SLC12A9: variants seen among roughly 807,000 people sequenced by gnomAD.
SLC12A9 encodes the protein CCC-interacting protein 1.
A neutral mutation model predicts 66.0 loss-of-function variants in SLC12A9; 55 were observed. That is an observed-to-expected ratio of 0.83 (90% CI 0.67 to 1.04). The LOEUF (loss-of-function observed/expected upper bound fraction) is 1.04, where lower values mean the gene tolerates loss of function less well. Ranked by LOEUF, SLC12A9 falls within the 50% of genes least tolerant of loss-of-function variation. The pLI is 0.00. For missense variants in SLC12A9, 1,061 were observed against 1,241.9 expected (o/e 0.85, Z 2.19); for synonymous variants, 577 against 569.0 (o/e 1.01, Z -0.20).
chr7:100,844,249 T>A (rs1813854988), intron 1 of SLC12A9, among the ~76,000 whole-genome samples: 1 of 152,214 alleles, frequency 6.6e-6, no homozygotes, highest in Non-Finnish European at 1.5e-5. Context: ...AAAAGCCTTG[T>A]TTGTATAATG....
intron 9 of SLC12A9, 29 bp downstream of exon 9, chr7:100,860,261 C>A (rs1376847281): frequency 1.2e-6 from 2 of 1,605,498 alleles, no homozygotes; most frequent in African/African-American, 2.7e-5. Flanking sequence ...GGGGCCCTTT[C>A]CCTCACCCCA....
rs774249477 is a variant in SLC12A9, at chr7:100,855,939, C to A, written c.448+102C>A. On this transcript the variant is annotated intron_variant, in intron 4 of 13. Coordinates refer to ENST00000354161, the MANE Select transcript of SLC12A9 (RefSeq NM_020246.4). ...CTCTCCAGCAGAGGGGCAGACTGAGCCATTACCTTGGCTTTCTGGAGCTTC... is the reference window on the plus strand; with the variant it reads ...CTCTCCAGCAGAGGGGCAGACTGAGACATTACCTTGGCTTTCTGGAGCTTC... 371 of 1,483,886 alleles carry A rather than the reference C, an allele frequency of 2.5e-4. 2 individuals carry two copies. The highest frequency in any genetic ancestry group is 2.0e-3 in the Middle Eastern group (8 of 4,016). The allele number at this position is 1,483,886 out of a possible 1,614,324, so 91.9% of individuals were successfully genotyped here.
chr7:100,840,744 T>G (rs1813770006), intron 1 of SLC12A9, among the ~76,000 whole-genome samples: 1 of 150,262 alleles, frequency 6.7e-6, no homozygotes, highest in Non-Finnish European at 1.5e-5. Flanking sequence ...GAAAGAGAGA[T>G]ATACAAGCAG....
chr7:100,855,537 T>G (rs1156783043), intron 3 of SLC12A9, 169 bp from the exon 4 acceptor site: 2 of 789,178 alleles, frequency 2.5e-6, no homozygotes, highest in African/African-American at 1.7e-5. Flanking sequence ...TGTTAGGCAG[T>G]GATTGTTTTA....
In SLC12A9 at chr7:100,861,880, T is replaced by G. The variant is rs113313997; in HGVS notation, c.1680T>G (p.Tyr560Ter). The stretch of plus-strand genomic sequence containing the variant: ...ACCAGCTTAAGAAGGGGGGGCTGTA[T>G]GTGCTGGGCCACGTCACCCTGGGAG... ...LANQLKKGGLYVLGHVTLGDL... is the reference protein window; with the variant it reads ...LANQLKKGGL Residue 560 changes from tyrosine (Y) to a stop codon, truncating the protein, a stop_gained, in exon 12 of 14, where the codon TAT becomes TAG. Coordinates refer to ENST00000354161, the MANE Select transcript of SLC12A9 (RefSeq NM_020246.4). LOFTEE classifies it high-confidence loss of function. The surrounding 1 kb of genome is among the most constrained non-coding windows in gnomAD (Gnocchi z 5.3). The G allele has an allele frequency of 6.2e-7, 1 of 1,612,096 alleles. No individual in the cohort carries two copies. The highest frequency in any genetic ancestry group is 8.5e-7 in the Non-Finnish European group (1 of 1,178,926).
At chr7:100,851,134 G>A (rs1241513141), upstream of SLC12A9, among the ~76,000 whole-genome samples, 2 of 152,186 alleles carry the variant, frequency 1.3e-5, no homozygotes, top group Non-Finnish European at 2.9e-5. Context: ...TGAGATTACA[G>A]GCGTGACCCA....
At chr7:100,850,733 T>C (rs955089867), upstream of SLC12A9, among the ~76,000 whole-genome samples, 1 of 151,516 alleles carries the variant, frequency 6.6e-6, no homozygotes, top group African/African-American at 2.4e-5. Context: ...TTTTTTTTTT[T>C]TTTGAGATGG....
At position 100,859,908 on chromosome 7, in the gene SLC12A9, G is replaced by A; in HGVS notation, c.1001G>A (p.Gly334Glu). 2.5e-6 allele frequency: 4 copies of A among 1,604,544 alleles called. No homozygotes were observed. The highest frequency in any genetic ancestry group is 3.4e-6 in the Non-Finnish European group (4 of 1,171,960). The change falls in exon 8 of 14, where the codon GGG (glycine) becomes GAG (glutamate). Residue 334 changes from glycine to glutamate, a missense_variant. By Grantham distance (98) the Gly-to-Glu change is moderately conservative (BLOSUM62 -2). Coordinates refer to ENST00000354161, the MANE Select transcript of SLC12A9 (RefSeq NM_020246.4). ...CDRTLLQEDYGFFRAISLWPP... is the reference protein window; with the variant it reads ...CDRTLLQEDYEFFRAISLWPP... ...AGGACCCTGCTGCAGGAAGACTATG[G>A]GTTCTTCCGCGCCATCAGCCTGTGG...
intron 1 of SLC12A9, among the ~76,000 whole-genome samples, chr7:100,828,980 C>T (rs1055539670): frequency 6.6e-6 from 1 of 151,282 alleles, no homozygotes; most frequent in Non-Finnish European, 1.5e-5. Flanking sequence ...CAGTAATTAG[C>T]GGGGACAGAT....
intron 1 of SLC12A9, among the ~76,000 whole-genome samples, chr7:100,828,201 G>A (rs1250321112): frequency 6.6e-6 from 1 of 152,192 alleles, no homozygotes. Context: ...CGCGCACTAA[G>A]CTGCGCTAGG....
rs371018502 is a variant in SLC12A9, at chr7:100,862,740, C to T, written c.1771C>T (p.Arg591Cys). ...TGGGGCATGGCTCAGCCTGGTGGACCGTGCCCAGGTGAAGGCTTTTGTGGA... is the reference window on the plus strand; with the variant it reads ...TGGGGCATGGCTCAGCCTGGTGGACTGTGCCCAGGTGAAGGCTTTTGTGGA... Reference protein sequence around the residue: ...QYGAWLSLVDRAQVKAFVDLT... With the variant: ...QYGAWLSLVDCAQVKAFVDLT... The change falls in exon 13 of 14, where the codon CGT becomes TGT. Residue 591 changes from arginine to cysteine, a missense_variant. Arg to Cys is a radical substitution (Grantham distance 180, BLOSUM62 -3). Coordinates refer to ENST00000354161, the MANE Select transcript of SLC12A9 (RefSeq NM_020246.4). The T allele has an allele frequency of 1.1e-5, 18 of 1,614,054 alleles. No homozygotes were observed. Among genetic ancestry groups the T allele is most frequent in the African/African-American group, 8.0e-5 (6 of 74,914 alleles).
intron 13 of SLC12A9, among the ~76,000 whole-genome samples, chr7:100,863,510 C>T (rs1346964131): frequency 6.6e-6 from 1 of 152,184 alleles, no homozygotes. Flanking sequence ...GGAAGGCAGG[C>T]CAGCCACTAT....
upstream of SLC12A9, among the ~76,000 whole-genome samples, chr7:100,851,122 C>T (rs924720226): frequency 2.6e-5 from 4 of 151,260 alleles, no homozygotes; most frequent in Non-Finnish European, 5.9e-5. Flanking sequence ...CTTCCAAAGT[C>T]CTGAGATTAC....
At chr7:100,854,120 G>T in intron 1 of SLC12A9, 36 bp from the exon 2 acceptor site, 2 of 1,371,132 alleles carry the variant, frequency 1.5e-6, no homozygotes, top group Non-Finnish European at 2.0e-6. Context: ...CGAGCTCTGT[G>T]GGGGAGCTTT....
In SLC12A9 at chr7:100,852,730, C is replaced by T. The variant is rs1029235345; in HGVS notation, c.-148C>T. Reference sequence around the variant, plus strand: ...GTGGGGGTGGGGACAGGCTCCAGGCCTGGCATCCCGGTAGCCGCAGCTGTC... The same window carrying T: ...GTGGGGGTGGGGACAGGCTCCAGGCTTGGCATCCCGGTAGCCGCAGCTGTC... On this transcript the variant is annotated 5_prime_UTR_variant, in exon 1 of 14. Coordinates refer to ENST00000354161, the MANE Select transcript of SLC12A9 (RefSeq NM_020246.4). The T allele has an allele frequency of 1.3e-5, 2 of 152,436 alleles. No individual in the cohort carries two copies. Among genetic ancestry groups the T allele is most frequent in the Non-Finnish European group, 2.9e-5 (2 of 68,232 alleles). The allele number at this position is 152,436 out of a possible 1,614,324, so 9.4% of individuals were successfully genotyped here.
At chr7:100,842,776 GC>G (rs1813813931) in intron 1 of SLC12A9, among the ~76,000 whole-genome samples, 1 of 152,234 alleles carries the variant, frequency 6.6e-6, no homozygotes, top group Non-Finnish European at 1.5e-5. Context: ...CAGGCCAGAG[GC>G]CCAGACTGTC....
At chr7:100,843,923 C>T (rs1813842669) in intron 1 of SLC12A9, among the ~76,000 whole-genome samples, 1 of 152,180 alleles carries the variant, frequency 6.6e-6, no homozygotes, top group Non-Finnish European at 1.5e-5. Flanking sequence ...CGAAACCATC[C>T]TTAAACATCA....
At position 100,856,917 on chromosome 7, in the gene SLC12A9, G is replaced by T; in HGVS notation, c.498G>T (p.Trp166Cys). ...GLRVLPQGYG[W>C]NLLYGSLLLG... is the part of the protein sequence containing the mutation. The stretch of plus-strand genomic sequence containing the variant: ...GGGTCCTGCCCCAGGGCTACGGCTG[G>T]AACCTGCTGTATGGCTCCCTGCTGC... Residue 166 changes from tryptophan to cysteine, a missense_variant, in exon 5 of 14, where the codon TGG (tryptophan) becomes TGT (cysteine). By Grantham distance (215) the Trp-to-Cys change is radical. Transcript: ENST00000354161. 6.2e-7 allele frequency: 1 copy of T among 1,611,422 alleles called. No individual in the cohort carries two copies. The highest frequency in any genetic ancestry group is 8.5e-7 in the Non-Finnish European group (1 of 1,179,802).
intron 13 of SLC12A9, among the ~76,000 whole-genome samples, chr7:100,864,430 T>C (rs1255270304): frequency 6.6e-6 from 1 of 152,234 alleles, no homozygotes; most frequent in African/African-American, 2.4e-5. Context: ...AAGTAGTTCC[T>C]TTAAATGGTG....
Sources: allele counts gnomAD v4.1 joint callset (sites outside exome capture counted in the v4.1 genomes callset), GRCh38; gene constraint gnomAD v4.1.1; non-coding constraint Gnocchi (gnomAD v3.1); transcripts MANE v1.5; gene names NCBI Gene and HGNC (gene_info 2026-07-23, HGNC 2026-07-21).